SH3BGRL2: variants seen among roughly 807,000 people sequenced by gnomAD.
SH3BGRL2 encodes SH3 domain-binding glutamic acid-rich-like protein 2.
SH3BGRL2 carries 21 observed loss-of-function variants against 14.8 expected under a neutral mutation model. The observed-to-expected ratio is 1.42, with a 90% CI of 1.01 to 2.05. The LOEUF is 2.05. Among genes scored for constraint, SH3BGRL2 ranks in the 30% most tolerant of loss-of-function variants. SH3BGRL2 has a pLI of 0.00. For synonymous variants in SH3BGRL2, 50 were observed against 47.8 expected, an observed-to-expected ratio of 1.05 and a Z score of -0.19; for missense variants, 147 against 130.8, an observed-to-expected ratio of 1.12 and a Z score of -0.61.
intron 1 of SH3BGRL2, among the ~76,000 whole-genome samples, chr6:79,632,390 T>A (rs149973988): frequency 1.3e-5 from 2 of 152,324 alleles, no homozygotes; most frequent in African/African-American, 2.4e-5. Flanking sequence ...TTATTGAGAC[T>A]TGGTTTCCTT....
At chr6:79,620,578 C>T in the SH3BGRL2 span, among the ~76,000 whole-genome samples, 1 of 151,060 alleles carries the variant, frequency 6.6e-6, no homozygotes, top group Non-Finnish European at 1.5e-5. Context: ...ACCTTTAAGT[C>T]AAGCAGAAGG....
chr6:79,681,794 C>G (rs1337484973), intron 2 of SH3BGRL2, among the ~76,000 whole-genome samples: 1 of 152,012 alleles, frequency 6.6e-6, no homozygotes, highest in Non-Finnish European at 1.5e-5. Flanking sequence ...ACCAGTTTTA[C>G]AAATATCCGA....
At chr6:79,538,536 C>A in the SH3BGRL2 span, among the ~76,000 whole-genome samples, 1 of 152,152 alleles carries the variant, frequency 6.6e-6, no homozygotes, top group Non-Finnish European at 1.5e-5. Context: ...GATGAGTAAT[C>A]CCTAAATTGC....
the SH3BGRL2 span, among the ~76,000 whole-genome samples, chr6:79,580,673 GC>G: frequency 6.6e-6 from 1 of 152,144 alleles, no homozygotes; most frequent in African/African-American, 2.4e-5. Context: ...AGCACTAAAT[GC>G]CCACAGGAGA....
At chr6:79,599,780 G>A in the SH3BGRL2 span, among the ~76,000 whole-genome samples, 1 of 152,146 alleles carries the variant, frequency 6.6e-6, no homozygotes, top group African/African-American at 2.4e-5. Context: ...GAAATTGAGT[G>A]CTATTCGAGC....
At chr6:79,555,501 A>C in the SH3BGRL2 span, among the ~76,000 whole-genome samples, 35 of 152,302 alleles carry the variant, frequency 2.3e-4, no homozygotes, top group African/African-American at 7.5e-4. Context: ...ACTTGGACGC[A>C]TAAACTGACA....
intron 1 of SH3BGRL2, among the ~76,000 whole-genome samples, chr6:79,641,177 TG>T (rs1769027558): frequency 1.3e-5 from 2 of 150,574 alleles, no homozygotes; most frequent in Non-Finnish European, 2.9e-5. Flanking sequence ...TGTGTGTGTG[TG>T]TGTGTGTGTG....
chr6:79,694,689 C>T (rs1003664900), intron 2 of SH3BGRL2, among the ~76,000 whole-genome samples: 1 of 152,000 alleles, frequency 6.6e-6, no homozygotes, highest in African/African-American at 2.4e-5. Flanking sequence ...TGTTTTTTCT[C>T]GTCTTTTTCA....
the SH3BGRL2 span, among the ~76,000 whole-genome samples, chr6:79,568,190 T>C: frequency 1.3e-5 from 2 of 152,108 alleles, no homozygotes; most frequent in Non-Finnish European, 2.9e-5. Flanking sequence ...TGCGCACACC[T>C]AACACCCAGC....
In SH3BGRL2 at chr6:79,676,605, A is replaced by ATGTGTGTGTGTG. The variant is rs58234438; in HGVS notation, c.231+2830_231+2841dup. Among the ~76,000 whole-genome samples, 554 of 139,706 alleles carry ATGTGTGTGTGTG rather than the reference A, an allele frequency of 4.0e-3. 5 individuals are homozygous for ATGTGTGTGTGTG. Among genetic ancestry groups the ATGTGTGTGTGTG allele is most frequent in the African/African-American group, 0.013 (503 of 37,706 alleles). 91.7% of individuals were successfully genotyped at this position (139,706 alleles called of 152,430 possible). On this transcript the variant is annotated intron_variant, in intron 2 of 3. Coordinates refer to ENST00000369838, the MANE Select transcript of SH3BGRL2 (RefSeq NM_031469.4). Reference sequence around the variant, plus strand: ...ATCTCCTAGCTTTATGTCTTTATGTATGTGTGTGTGTGTGTGTGTGTGTGT... The same window carrying ATGTGTGTGTGTG: ...ATCTCCTAGCTTTATGTCTTTATGTATGTGTGTGTGTGTGTGTGTGTGTGTGTGTGTGTGTGT...
At chr6:79,624,058 G>A in the SH3BGRL2 span, among the ~76,000 whole-genome samples, 1 of 151,930 alleles carries the variant, frequency 6.6e-6, no homozygotes, top group African/African-American at 2.4e-5. Context: ...TAACCTAAAT[G>A]CAAACTTTAT....
chr6:79,603,193 T>G, the SH3BGRL2 span, among the ~76,000 whole-genome samples: 1 of 152,204 alleles, frequency 6.6e-6, no homozygotes, highest in Non-Finnish European at 1.5e-5. Context: ...TTTATTATTT[T>G]TTAAAAGGGT....
At chr6:79,570,033 G>A in the SH3BGRL2 span, among the ~76,000 whole-genome samples, 1 of 152,150 alleles carries the variant, frequency 6.6e-6, no homozygotes, top group Admixed American at 6.5e-5. Context: ...ACTTTGCTTT[G>A]TGCTGAGTAG....
the SH3BGRL2 span, among the ~76,000 whole-genome samples, chr6:79,542,054 C>T: frequency 6.6e-6 from 1 of 152,112 alleles, no homozygotes; most frequent in African/African-American, 2.4e-5. Context: ...AACATACCTG[C>T]CTCTACTGGT....
chr6:79,646,998 C>T (rs1212002256), intron 1 of SH3BGRL2, among the ~76,000 whole-genome samples: 2 of 152,148 alleles, frequency 1.3e-5, no homozygotes, highest in Non-Finnish European at 2.9e-5. Flanking sequence ...CCGCTCTGAA[C>T]GTTTGCGTAT....
At chr6:79,638,652 A>T (rs1335304212) in intron 1 of SH3BGRL2, among the ~76,000 whole-genome samples, 1 of 152,002 alleles carries the variant, frequency 6.6e-6, no homozygotes, top group Non-Finnish European at 1.5e-5. Context: ...CTGGGGTGAG[A>T]TGCAATTTCA....
At chr6:79,573,134 T>TCAAACCAA in the SH3BGRL2 span, among the ~76,000 whole-genome samples, 1 of 152,204 alleles carries the variant, frequency 6.6e-6, no homozygotes, top group African/African-American at 2.4e-5. Context: ...AGATTTTACT[T>TCAAACCAA]TGTATATGTT....
chr6:79,545,932 C>T, the SH3BGRL2 span, among the ~76,000 whole-genome samples: 1 of 152,160 alleles, frequency 6.6e-6, no homozygotes, highest in Admixed American at 6.5e-5. Flanking sequence ...AAAATGTTTC[C>T]ATTTTCTCAA....
chr6:79,571,164 A>T, the SH3BGRL2 span, among the ~76,000 whole-genome samples: 1 of 152,238 alleles, frequency 6.6e-6, no homozygotes, highest in Non-Finnish European at 1.5e-5. Context: ...TAATGCTGGT[A>T]TTCTGTCTCT....
Sources: gnomAD v4.1 joint callset for allele counts (sites outside exome capture counted in the v4.1 genomes callset) on GRCh38, gnomAD v4.1.1 for gene constraint, MANE v1.5 for transcripts, NCBI Gene and HGNC (gene_info 2026-07-23, HGNC 2026-07-21) for gene names.